IFT88: variants seen among roughly 807,000 people sequenced by gnomAD.
The protein encoded by IFT88 is intraflagellar transport 88, also known as intraflagellar transport protein 88 homolog.
In IFT88, 74 loss-of-function variants were observed where a neutral mutation model predicts 119.5. The observed-to-expected ratio is 0.62, with a 90% CI of 0.51 to 0.75. IFT88 has a LOEUF of 0.75. Ranked by LOEUF, IFT88 falls within the 30% of genes least tolerant of loss-of-function variation. The pLI is 0.00. For synonymous variants in IFT88, 279 were observed against 316.7 expected, an observed-to-expected ratio of 0.88 and a Z score of 1.26; for missense variants, 961 against 977.7, an observed-to-expected ratio of 0.98 and a Z score of 0.23.
At chr13:20,597,198 T>G in intron 9 of IFT88, 79 bp downstream of exon 9, 1 of 672,506 alleles carries the variant, frequency 1.5e-6, no homozygotes, top group Non-Finnish European at 2.4e-6. Context: ...TTTTCTTTTA[T>G]TTTTAAAATC....
At chr13:20,625,998 T>G (rs2047233383) in intron 15 of IFT88, 149 bp downstream of exon 15, 1 of 395,376 alleles carries the variant, frequency 2.5e-6, no homozygotes, top group Non-Finnish European at 4.4e-6. Context: ...TAATTTTCAT[T>G]AAAATAGTTT....
chr13:20,606,421 G>A (rs561907860), intron 13 of IFT88, among the ~76,000 whole-genome samples: 1 of 152,278 alleles, frequency 6.6e-6, no homozygotes, highest in South Asian at 2.1e-4. Context: ...TGCCTATTCT[G>A]GGTGTCAACG....
chr13:20,626,602 T>C (rs372483111), intron 15 of IFT88, among the ~76,000 whole-genome samples: 1 of 152,118 alleles, frequency 6.6e-6, no homozygotes, highest in Non-Finnish European at 1.5e-5. Context: ...TGCATTGGGA[T>C]TGGAAGGGTC....
chr13:20,572,855 T>C (rs1013839843), intron 1 of IFT88, among the ~76,000 whole-genome samples: 11 of 152,182 alleles, frequency 7.2e-5, no homozygotes, highest in African/African-American at 2.7e-4. Context: ...GTTTGAGAAC[T>C]TCATATAAAG....
chr13:20,690,076 T>C (rs916887561), intron 24 of IFT88, among the ~76,000 whole-genome samples: 1 of 152,220 alleles, frequency 6.6e-6, no homozygotes, highest in Non-Finnish European at 1.5e-5. Flanking sequence ...GACCATCTTG[T>C]TCTGATTTAT....
chr13:20,681,669 CTG>C (rs1366478308), intron 24 of IFT88, among the ~76,000 whole-genome samples: 1 of 152,220 alleles, frequency 6.6e-6, no homozygotes, highest in African/African-American at 2.4e-5. Context: ...CTGTTCCTAA[CTG>C]TGGTTTGTAA....
intron 10 of IFT88, among the ~76,000 whole-genome samples, chr13:20,599,220 T>C (rs1021150521): frequency 1.4e-4 from 21 of 152,198 alleles, no homozygotes; most frequent in African/African-American, 4.6e-4. Context: ...TAAAGCACAA[T>C]AATGTAAATC....
At chr13:20,684,676 G>A (rs930167251) in intron 24 of IFT88, among the ~76,000 whole-genome samples, 2 of 152,202 alleles carry the variant, frequency 1.3e-5, no homozygotes, top group Non-Finnish European at 2.9e-5. Flanking sequence ...GCATAAGTCA[G>A]CTGGTGCTAA....
intron 7 of IFT88, 61 bp from the exon 8 acceptor site, chr13:20,596,089 T>TAAAG: frequency 3.4e-6 from 1 of 293,478 alleles, no homozygotes; most frequent in Non-Finnish European, 6.1e-6. Flanking sequence ...ATAAAATAAA[T>TAAAG]TTTAGTATAG....
intron 7 of IFT88, 100 bp from the exon 8 acceptor site, chr13:20,596,050 G>C (rs1307292854): frequency 6.2e-6 from 1 of 162,232 alleles, no homozygotes; most frequent in East Asian, 1.7e-4. Flanking sequence ...GTAAGACCTT[G>C]TCTGTAAAAT....
At chr13:20,630,944 T>C in intron 15 of IFT88, 72 bp from the exon 16 acceptor site, 1 of 963,972 alleles carries the variant, frequency 1.0e-6, no homozygotes, top group South Asian at 1.5e-5. Context: ...GGAACACTGA[T>C]CTTTTCCCCG....
At chr13:20,609,776 A>C (rs2044160137) in intron 13 of IFT88, among the ~76,000 whole-genome samples, 1 of 152,120 alleles carries the variant, frequency 6.6e-6, no homozygotes, top group Non-Finnish European at 1.5e-5. Context: ...AAAAAACAAA[A>C]AACAAAAAAC....
At chr13:20,650,808 GTATTTGCAATGAAAAA>G (rs1232307027) in intron 20 of IFT88, among the ~76,000 whole-genome samples, 1 of 152,230 alleles carries the variant, frequency 6.6e-6, no homozygotes, top group Non-Finnish European at 1.5e-5. Flanking sequence ...GTATTTCTAT[GTATTTGCAATGAAAAA>G]TCCAAAAAGG....
chr13:20,671,172 A>G lies in IFT88; in HGVS notation c.2242+133A>G, dbSNP rs766738530. On this transcript the variant is annotated intron_variant, in intron 24 of 25. Coordinates refer to ENST00000351808, the MANE Select transcript of IFT88 (RefSeq NM_006531.5). ...TGTTCTATACACAGTGAAACTTCAC[A>G]TTAATTAATTTGGTAAGCAGTCAGT... The G allele has an allele frequency of 5.1e-5, 27 of 528,124 alleles. No individual in the cohort carries two copies. The Middle Eastern group carries it at 1.1e-3, about 22-fold the overall frequency. 32.7% of individuals were successfully genotyped at this position (528,124 alleles called of 1,614,324 possible). A position where few individuals can be genotyped will look rare whatever the true frequency, so the allele number is the denominator to read the frequency against.
intron 20 of IFT88, among the ~76,000 whole-genome samples, chr13:20,652,228 A>G (rs1303091425): frequency 1.3e-5 from 2 of 152,230 alleles, no homozygotes; most frequent in Non-Finnish European, 2.9e-5. Flanking sequence ...GTTATGTTGT[A>G]TATATTTTAT....
rs1027973848 is a variant in IFT88 at position 20,645,029 on chromosome 13, A to G, written c.1949+71A>G. ...AGTTTTTTTAATCCCTAGAATTAGT[A>G]TCTGATAGACCTAGTAAATTCAAGA... On this transcript the variant is annotated intron_variant, in intron 20 of 25. Transcript: ENST00000351808. 5 of 683,796 alleles carry G rather than the reference A, an allele frequency of 7.3e-6. No individual in the cohort carries two copies. The East Asian group carries it at 1.3e-4, about 18-fold the overall frequency. The allele number at this position is 683,796 out of a possible 1,614,324, so 42.4% of individuals were successfully genotyped here.
intron 1 of IFT88, among the ~76,000 whole-genome samples, chr13:20,568,236 C>T (rs2137668315): frequency 6.6e-6 from 1 of 152,122 alleles, no homozygotes; most frequent in South Asian, 2.1e-4. Flanking sequence ...GTGGCATCAT[C>T]CCCAGATTAT....
At chr13:20,616,685 TAA>T (rs755619190) in intron 14 of IFT88, among the ~76,000 whole-genome samples, 5 of 152,196 alleles carry the variant, frequency 3.3e-5, no homozygotes, top group Admixed American at 6.5e-5. Context: ...TACTGTACAG[TAA>T]ATACATAAAC....
chr13:20,691,058 C>T lies in IFT88; in HGVS notation c.2358C>T (p.Ala786=), dbSNP rs779105057. The T allele has an allele frequency of 1.2e-5, 20 of 1,613,558 alleles. No individual in the cohort carries two copies. In the Admixed American group the frequency reaches 2.2e-4, roughly 18 times the overall value. The change falls in exon 26 of 26, where the codon GCC becomes GCT. Residue 786 remains alanine (A), a synonymous_variant. Coordinates refer to ENST00000351808, the MANE Select transcript of IFT88 (RefSeq NM_006531.5). ...GACAATCTCTTCGAAACCTAGATGCCTCCTATGTGGACCCACTTGGCCCTC... is the reference window on the plus strand; with the variant it reads ...GACAATCTCTTCGAAACCTAGATGCTTCCTATGTGGACCCACTTGGCCCTC... ...YESSSNKEID[A]SYVDPLGPQI...
Sources: allele counts gnomAD v4.1 joint callset (sites outside exome capture counted in the v4.1 genomes callset), GRCh38; gene constraint gnomAD v4.1.1; transcripts MANE v1.5; gene names NCBI Gene and HGNC (gene_info 2026-07-23, HGNC 2026-07-21).